Variants in SLC14A2 observed in about 807,000 individuals in gnomAD.
SLC14A2 encodes the protein urea transporter 2.
In SLC14A2, 91 loss-of-function variants were observed where a neutral mutation model predicts 104.6. The observed-to-expected ratio is 0.87, with a 90% CI of 0.73 to 1.04. SLC14A2 has a LOEUF of 1.04. SLC14A2 is among the 50% of genes least tolerant of loss of function. The probability of loss-of-function intolerance (pLI) is 0.00; values close to 1 mark genes in which losing one functional copy is unlikely to be tolerated. For synonymous variants in SLC14A2, 476 were observed against 466.4 expected (o/e 1.02, Z -0.27); for missense variants, 1,189 against 1,156.0 (o/e 1.03, Z -0.41).
chr18:45,635,870 C>T (rs1599095535), intron 5 of SLC14A2, among the ~76,000 whole-genome samples: 1 of 152,152 alleles, frequency 6.6e-6, no homozygotes, highest in Non-Finnish European at 1.5e-5. Flanking sequence ...ATCCAAAGAA[C>T]AGGGAAAAGA....
At chr18:45,168,522 T>G in the SLC14A2 span, 1 of 152,128 alleles carries the variant, frequency 6.6e-6, no homozygotes, top group Non-Finnish European at 1.5e-5. Context: ...AGAGTGAGAA[T>G]AGGAGGCATA....
At chr18:45,223,912 A>G (rs1169696676) in intron 1 of SLC14A2, among the ~76,000 whole-genome samples, 1 of 152,156 alleles carries the variant, frequency 6.6e-6, no homozygotes, top group African/African-American at 2.4e-5. Flanking sequence ...CATAATATAC[A>G]TACAAATTGC....
intron 2 of SLC14A2, among the ~76,000 whole-genome samples, chr18:45,595,991 G>A (rs2044714673): frequency 6.6e-6 from 1 of 152,180 alleles, no homozygotes; most frequent in Admixed American, 6.5e-5. Context: ...GAGCCCTACT[G>A]CTGAGTGGTA....
intron 2 of SLC14A2, among the ~76,000 whole-genome samples, chr18:45,603,605 C>A (rs1183996434): frequency 1.3e-5 from 2 of 152,052 alleles, no homozygotes; most frequent in African/African-American, 4.8e-5. Context: ...CTTTTCTATT[C>A]TCCTCCCTCT....
intron 1 of SLC14A2, among the ~76,000 whole-genome samples, chr18:45,243,064 A>G (rs933900908): frequency 1.5e-4 from 23 of 152,222 alleles, no homozygotes; most frequent in Non-Finnish European, 2.6e-4. Context: ...AAAAAACCTT[A>G]GCAATAATTA....
intron 1 of SLC14A2, among the ~76,000 whole-genome samples, 187 bp downstream of exon 1, chr18:45,615,769 C>T (rs1162013908): frequency 1.3e-5 from 2 of 151,266 alleles, no homozygotes; most frequent in Non-Finnish European, 2.9e-5. Context: ...CACCTCGGGG[C>T]AGCTTGTGTA....
At chr18:45,344,970 A>C (rs1481038741) in intron 1 of SLC14A2, among the ~76,000 whole-genome samples, 1 of 152,184 alleles carries the variant, frequency 6.6e-6, no homozygotes, top group Non-Finnish European at 1.5e-5. Flanking sequence ...TTCCCAAGGA[A>C]TTTCCCTCAC....
At chr18:45,424,155 T>C (rs1051644458) in intron 1 of SLC14A2, 45 of 152,204 alleles carry the variant, frequency 3.0e-4, no homozygotes, top group African/African-American at 1.0e-3. Context: ...AGATGGGATT[T>C]CCTGTAATAA....
At chr18:45,519,189 G>C (rs891804437) in intron 2 of SLC14A2, among the ~76,000 whole-genome samples, 1 of 152,192 alleles carries the variant, frequency 6.6e-6, no homozygotes, top group African/African-American at 2.4e-5. Flanking sequence ...TCCATCTGCA[G>C]AGTTATATCC....
At chr18:45,391,579 C>T (rs1021262649) in intron 1 of SLC14A2, among the ~76,000 whole-genome samples, 2 of 152,194 alleles carry the variant, frequency 1.3e-5, no homozygotes, top group Non-Finnish European at 2.9e-5. Flanking sequence ...ACATCCTCTC[C>T]AGCACCTGTT....
At chr18:45,309,951 T>C (rs988651203) in intron 1 of SLC14A2, among the ~76,000 whole-genome samples, 6 of 151,986 alleles carry the variant, frequency 3.9e-5, no homozygotes, top group Admixed American at 3.3e-4. Flanking sequence ...CTGCATTTTA[T>C]TAAATTTCAT....
At chr18:45,297,442 A>G (rs2084927616) in intron 1 of SLC14A2, among the ~76,000 whole-genome samples, 1 of 152,206 alleles carries the variant, frequency 6.6e-6, no homozygotes, top group African/African-American at 2.4e-5. Context: ...TCTAAGAACT[A>G]ATGCAGATGA....
At chr18:45,598,596 G>A (rs984647710) in intron 2 of SLC14A2, among the ~76,000 whole-genome samples, 1 of 152,088 alleles carries the variant, frequency 6.6e-6, no homozygotes, top group South Asian at 2.1e-4. Context: ...ATTTTAAAAA[G>A]GCATTTTTAT....
chr18:45,668,575 G>T (rs1252764571), intron 15 of SLC14A2, 98 bp downstream of exon 15: 2 of 1,366,272 alleles, frequency 1.5e-6, no homozygotes, highest in Admixed American at 3.6e-5. Context: ...TATTAAAGTG[G>T]CATGTATTTA....
At chr18:45,309,333 C>CA (rs771777273) in intron 1 of SLC14A2, among the ~76,000 whole-genome samples, 5 of 144,708 alleles carry the variant, frequency 3.5e-5, no homozygotes, top group Non-Finnish European at 7.6e-5. Context: ...CTCAGAAGCA[C>CA]TTTTTTTTTT....
chr18:45,635,537 G>A (rs2045405506), intron 5 of SLC14A2, among the ~76,000 whole-genome samples: 1 of 152,206 alleles, frequency 6.6e-6, no homozygotes, highest in South Asian at 2.1e-4. Flanking sequence ...CAAGATAGAT[G>A]CCATTGGTGA....
At chr18:45,431,864 CGAT>C (rs1206269982) in intron 1 of SLC14A2, among the ~76,000 whole-genome samples, 2 of 152,114 alleles carry the variant, frequency 1.3e-5, no homozygotes, top group Non-Finnish European at 2.9e-5. Flanking sequence ...GGAAGTGTGA[CGAT>C]GAGGAGAGGA....
At chr18:45,443,161 G>A (rs2086707648) in intron 1 of SLC14A2, among the ~76,000 whole-genome samples, 1 of 152,188 alleles carries the variant, frequency 6.6e-6, no homozygotes, top group South Asian at 2.1e-4. Flanking sequence ...GAAGGGGAAG[G>A]TGAAGGTTTA....
At chr18:45,381,809 A>AC (rs1234081940) in intron 1 of SLC14A2, among the ~76,000 whole-genome samples, 1 of 152,042 alleles carries the variant, frequency 6.6e-6, no homozygotes, top group Non-Finnish European at 1.5e-5. Flanking sequence ...TGCAAATGAG[A>AC]CATGGGGTTT....
Sources: allele counts gnomAD v4.1 joint callset (sites outside exome capture counted in the v4.1 genomes callset), GRCh38; gene constraint gnomAD v4.1.1; transcripts MANE v1.5; gene names NCBI Gene and HGNC (gene_info 2026-07-23, HGNC 2026-07-21).